Variants in PPP2R2A observed in about 807,000 individuals in gnomAD.
PPP2R2A encodes protein phosphatase 2 regulatory subunit Balpha.
Under a neutral mutation model 53.2 loss-of-function variants are expected in PPP2R2A, and 9 were observed. That is an observed-to-expected ratio of 0.17 (90% CI 0.10 to 0.30). The LOEUF is 0.30. PPP2R2A is among the 10% of genes least tolerant of loss of function. The pLI, the probability that PPP2R2A is intolerant of heterozygous loss-of-function variation, is 1.00. For synonymous variants in PPP2R2A, 169 were observed against 174.2 expected, an observed-to-expected ratio of 0.97 and a Z score of 0.23; for missense variants, 235 against 534.6, an observed-to-expected ratio of 0.44 and a Z score of 5.53.
intron 2 of PPP2R2A, among the ~76,000 whole-genome samples, chr8:26,310,575 A>T (rs1213593041): frequency 6.6e-6 from 1 of 151,770 alleles, no homozygotes; most frequent in Non-Finnish European, 1.5e-5. Context: ...TATTGTAAAG[A>T]TCATGATGAA....
intron 2 of PPP2R2A, among the ~76,000 whole-genome samples, chr8:26,335,633 A>G (rs772030387): frequency 5.3e-5 from 8 of 152,304 alleles, no homozygotes; most frequent in Non-Finnish European, 1.2e-4. Flanking sequence ...AGTAACAAAC[A>G]CCAGTGTCTT....
At position 26,360,055 on chromosome 8, in the gene PPP2R2A, T is replaced by G. The variant is rs1216609900; in HGVS notation, c.347-114T>G. 4 of 236,252 alleles carry G rather than the reference T, an allele frequency of 1.7e-5. No individual in the cohort carries two copies. Among genetic ancestry groups the G allele is most frequent in the African/African-American group, 7.8e-5 (1 of 12,826 alleles). 14.6% of individuals were successfully genotyped at this position (236,252 alleles called of 1,614,324 possible). On this transcript the variant is annotated intron_variant, in intron 4 of 9. Coordinates refer to ENST00000380737, the MANE Select transcript of PPP2R2A (RefSeq NM_002717.4). This position sits in a 1 kb window ranked among gnomAD's most constrained non-coding sequence, Gnocchi z 4.5. ...TTTTTTAGTAAGTTCAGATTAGGGT[T>G]TTTTTTTTTTTCGTGGAATCCTTTT...
chr8:26,326,411 C>A (rs1410205938), intron 2 of PPP2R2A, among the ~76,000 whole-genome samples: 1 of 152,122 alleles, frequency 6.6e-6, no homozygotes, highest in Non-Finnish European at 1.5e-5. Flanking sequence ...TGTAACATAC[C>A]TTAAAGACTC....
chr8:26,291,551 C>G lies in PPP2R2A; in HGVS notation c.-269C>G, dbSNP rs1278869798. On this transcript the variant is annotated 5_prime_UTR_variant, in exon 1 of 10. Transcript: ENST00000380737. ...TTGAAAGTGGAGTCGCCTGCCCCTG[C>G]CGCTGCCGCCGCCGCCGTCGCTGTC... The G allele has an allele frequency of 3.8e-6, 2 of 526,124 alleles. No homozygotes were observed. Among genetic ancestry groups the G allele is most frequent in the Admixed American group, 3.7e-5 (1 of 27,026 alleles). The allele number at this position is 526,124 out of a possible 1,614,324, so 32.6% of individuals were successfully genotyped here.
rs1805622651 is a variant in PPP2R2A at position 26,370,598 on chromosome 8, C to G, written c.*185C>G. The G allele has an allele frequency of 4.3e-6, 3 of 691,646 alleles. No individual in the cohort carries two copies. The allele number at this position is 691,646 out of a possible 1,614,324, so 42.8% of individuals were successfully genotyped here. A position where few individuals can be genotyped will look rare whatever the true frequency, so the allele number is the denominator to read the frequency against. ...TCTGTGGATTCATCACTGTGGTGTT[C>G]TCCATGTCTGCTAGCCATTTAGGTA... On this transcript the variant is annotated 3_prime_UTR_variant, in exon 10 of 10. Transcript: ENST00000380737. This position sits in a 1 kb window ranked among gnomAD's most constrained non-coding sequence, Gnocchi z 6.1.
At chr8:26,309,756 A>G (rs1240256339) in intron 2 of PPP2R2A, among the ~76,000 whole-genome samples, 1 of 152,000 alleles carries the variant, frequency 6.6e-6, no homozygotes, top group Non-Finnish European at 1.5e-5. Flanking sequence ...CCAAGGAGGG[A>G]GAGAGAGAGG....
At chr8:26,351,466 C>T (rs146904374) in intron 3 of PPP2R2A, among the ~76,000 whole-genome samples, 1 of 152,270 alleles carries the variant, frequency 6.6e-6, no homozygotes, top group East Asian at 1.9e-4. Context: ...GTGCCTAGTG[C>T]TCAACATGAC....
intron 2 of PPP2R2A, among the ~76,000 whole-genome samples, chr8:26,308,402 A>G (rs546012911): frequency 4.6e-5 from 7 of 152,368 alleles, no homozygotes; most frequent in African/African-American, 1.4e-4. Flanking sequence ...ATTGGAGACA[A>G]TTCTTTAACC....
intron 2 of PPP2R2A, chr8:26,298,429 C>T (rs1801636972): frequency 6.6e-6 from 1 of 152,162 alleles, no homozygotes; most frequent in African/African-American, 2.4e-5. Flanking sequence ...AGCTGACTTG[C>T]TCCTCTAGTA....
intron 1 of PPP2R2A, among the ~76,000 whole-genome samples, chr8:26,292,811 A>G (rs566944635): frequency 2.6e-5 from 4 of 152,316 alleles, no homozygotes; most frequent in East Asian, 1.9e-4. Context: ...GACATTTTCA[A>G]TCATTTCGAC....
chr8:26,310,193 A>G (rs1344937300), intron 2 of PPP2R2A, among the ~76,000 whole-genome samples: 1 of 142,744 alleles, frequency 7.0e-6, no homozygotes, highest in Non-Finnish European at 1.5e-5. Flanking sequence ...AGGCAGGAGA[A>G]TCATTTGAAC....
In PPP2R2A at chr8:26,332,483, C is replaced by T. The variant is rs186117911; in HGVS notation, c.83-6407C>T. Among the ~76,000 whole-genome samples, 151 of 150,466 alleles carry T rather than the reference C, an allele frequency of 1.0e-3. 2 individuals are homozygous for T. Among genetic ancestry groups the T allele is most frequent in the Non-Finnish European group, 1.7e-3 (114 of 67,754 alleles). ...CTCCTTTATTTTTATTTTTTTAAAA[C>T]GGGCATTTACATATTAACTTGGTCC... On this transcript the variant is annotated intron_variant, in intron 2 of 9. Transcript: ENST00000380737.
At chr8:26,322,686 T>G (rs762137666) in intron 2 of PPP2R2A, among the ~76,000 whole-genome samples, 2 of 152,158 alleles carry the variant, frequency 1.3e-5, no homozygotes, top group African/African-American at 2.4e-5. Context: ...GTATCCTGTT[T>G]CCCAGAACAA....
intron 1 of PPP2R2A, chr8:26,293,380 G>T: frequency 9.6e-7 from 1 of 1,046,604 alleles, no homozygotes; most frequent in Non-Finnish European, 1.4e-6. Context: ...GGTCTTGCCT[G>T]AATGTAAGGC....
chr8:26,297,556 C>CAGT (rs745977824), intron 2 of PPP2R2A, among the ~76,000 whole-genome samples: 1 of 152,148 alleles, frequency 6.6e-6, no homozygotes, highest in South Asian at 2.1e-4. Context: ...TGTCATGAGA[C>CAGT]AGTAGGTTAA....
intron 4 of PPP2R2A, chr8:26,359,172 CA>C (rs1804949417): frequency 5.1e-6 from 1 of 195,884 alleles, no homozygotes; most frequent in Non-Finnish European, 1.1e-5. Flanking sequence ...GGATATTCTA[CA>C]AAGTACCTCA....
intron 2 of PPP2R2A, chr8:26,333,471 A>G: frequency 2.5e-6 from 3 of 1,194,166 alleles, no homozygotes; most frequent in Non-Finnish European, 3.3e-6. Context: ...TTGCACTTTG[A>G]TTAATTTCTT....
chr8:26,368,792 G>C (rs1393078693), intron 9 of PPP2R2A, among the ~76,000 whole-genome samples: 1 of 152,092 alleles, frequency 6.6e-6, no homozygotes, highest in Non-Finnish European at 1.5e-5. Context: ...GGGTGACAGA[G>C]TGAAACCCTG....
At chr8:26,347,780 A>G (rs1168132848) in intron 3 of PPP2R2A, among the ~76,000 whole-genome samples, 1 of 152,214 alleles carries the variant, frequency 6.6e-6, no homozygotes, top group Admixed American at 6.5e-5. Context: ...AGAATAGTAC[A>G]TAATAGGCAC....
Sources: gnomAD v4.1 joint callset for allele counts (sites outside exome capture counted in the v4.1 genomes callset) on GRCh38, gnomAD v4.1.1 for gene constraint, Gnocchi (gnomAD v3.1) non-coding constraint, MANE v1.5 for transcripts, NCBI Gene and HGNC (gene_info 2026-07-23, HGNC 2026-07-21) for gene names.